Variants in TMEM196 observed in about 807,000 individuals in gnomAD.
TMEM196 encodes the protein transmembrane protein 196.
TMEM196 carries 17 observed loss-of-function variants against 20.0 expected under a neutral mutation model. The observed-to-expected ratio is 0.85, with a 90% CI of 0.58 to 1.27. The LOEUF (loss-of-function observed/expected upper bound fraction) is 1.27. TMEM196 is among the 50% of genes most tolerant of loss of function. TMEM196 has a pLI of 0.00. For missense variants in TMEM196, 267 were observed against 223.0 expected, an observed-to-expected ratio of 1.20 and a Z score of -1.26; for synonymous variants, 113 against 88.9, an observed-to-expected ratio of 1.27 and a Z score of -1.52.
At chr7:19,730,331 T>G (rs944593846) in intron 1 of TMEM196, among the ~76,000 whole-genome samples, 14 of 152,094 alleles carry the variant, frequency 9.2e-5, no homozygotes, top group African/African-American at 3.4e-4. Flanking sequence ...AATAAAACAT[T>G]GTTGACATAA....
intron 1 of TMEM196, among the ~76,000 whole-genome samples, chr7:19,736,317 GT>G (rs1784397333): frequency 9.7e-6 from 1 of 103,000 alleles, no homozygotes; most frequent in Admixed American, 1.1e-4. Flanking sequence ...TATGTGCTTC[GT>G]TTCATTTGAG....
intron 1 of TMEM196, among the ~76,000 whole-genome samples, chr7:19,756,550 G>A (rs1010015842): frequency 6.6e-6 from 1 of 151,816 alleles, no homozygotes; most frequent in Non-Finnish European, 1.5e-5. Flanking sequence ...GCCCCAGTGT[G>A]TGTTGTTCCC....
At chr7:19,767,577 A>G (rs983262048) in intron 1 of TMEM196, among the ~76,000 whole-genome samples, 9 of 152,160 alleles carry the variant, frequency 5.9e-5, no homozygotes, top group African/African-American at 1.9e-4. Flanking sequence ...CCTGATTTTG[A>G]TGAGGGAGTA....
chr7:19,724,875 A>G (rs774511520), intron 3 of TMEM196, among the ~76,000 whole-genome samples: 12 of 152,218 alleles, frequency 7.9e-5, no homozygotes, highest in Non-Finnish European at 1.6e-4. Context: ...AGAAACACAG[A>G]CATCATACTA....
In TMEM196 at chr7:19,728,336, G is replaced by A. The variant is rs545454240; in HGVS notation, c.204+1046C>T. Among the ~76,000 whole-genome samples, 5 of 152,234 alleles carry A rather than the reference G, an allele frequency of 3.3e-5. No homozygotes were observed. In the East Asian group the frequency reaches 9.7e-4, roughly 29 times the overall value. On this transcript the variant is annotated intron_variant, in intron 2 of 4. Coordinates refer to ENST00000405844, the MANE Select transcript of TMEM196 (RefSeq NM_001363562.2). ...GGCATAAGGAGAATGAAGACCATGT[G>A]TAAAAAATGATGGGAGAATCATAAA...
At chr7:19,745,302 A>G (rs906914123) in intron 1 of TMEM196, among the ~76,000 whole-genome samples, 3 of 152,152 alleles carry the variant, frequency 2.0e-5, no homozygotes, top group Non-Finnish European at 4.4e-5. Context: ...GAACCTGCGC[A>G]TAGGGAGGGC....
intron 1 of TMEM196, among the ~76,000 whole-genome samples, chr7:19,742,098 C>T (rs1236941126): frequency 3.3e-5 from 5 of 152,064 alleles, no homozygotes; most frequent in Non-Finnish European, 7.4e-5. Flanking sequence ...AGATACTTTT[C>T]GTTCAGTCAA....
intron 1 of TMEM196, among the ~76,000 whole-genome samples, chr7:19,759,050 G>C (rs1785328019): frequency 6.6e-6 from 1 of 151,892 alleles, no homozygotes; most frequent in Non-Finnish European, 1.5e-5. Flanking sequence ...ATGTAAACAT[G>C]TTCCAAAATC....
At chr7:19,725,339 G>GT (rs1783955642) in intron 3 of TMEM196, among the ~76,000 whole-genome samples, 175 bp downstream of exon 3, 1 of 152,240 alleles carries the variant, frequency 6.6e-6, no homozygotes, top group East Asian at 1.9e-4. Flanking sequence ...GAAAATAGGT[G>GT]TACCCATGAA....
chr7:19,731,781 A>C (rs1483428984), intron 1 of TMEM196, among the ~76,000 whole-genome samples: 1 of 152,232 alleles, frequency 6.6e-6, no homozygotes, highest in African/African-American at 2.4e-5. Context: ...GATGGAGCTA[A>C]GAAATGTGAA....
At position 19,739,885 on chromosome 7, in the gene TMEM196, A is replaced by T. The variant is rs140006715; in HGVS notation, c.148-10447T>A. Among the ~76,000 whole-genome samples the T allele has an allele frequency of 1.7e-3, 254 of 152,306 alleles. 1 individual carries two copies. Among genetic ancestry groups the T allele is most frequent in the Non-Finnish European group, 1.8e-3 (124 of 68,012 alleles). On this transcript the variant is annotated intron_variant, in intron 1 of 4. Transcript: ENST00000405844. ...CAAAGATGTAGAGAACTACAGAATC[A>T]TACAATGCTTATAGATAAATTGATT...
At chr7:19,767,701 G>T (rs1785692296) in intron 1 of TMEM196, among the ~76,000 whole-genome samples, 1 of 151,818 alleles carries the variant, frequency 6.6e-6, no homozygotes, top group South Asian at 2.1e-4. Context: ...GTAATTTTTT[G>T]GGGGGATAGG....
intron 1 of TMEM196, among the ~76,000 whole-genome samples, chr7:19,759,661 C>CA (rs930768228): frequency 2.2e-4 from 34 of 152,152 alleles, no homozygotes; most frequent in South Asian, 1.5e-3. Flanking sequence ...CGCAGGCACA[C>CA]ACACACATGC....
intron 1 of TMEM196, among the ~76,000 whole-genome samples, chr7:19,730,680 C>T (rs1439449491): frequency 6.6e-6 from 1 of 152,034 alleles, no homozygotes; most frequent in Non-Finnish European, 1.5e-5. Context: ...AAATACATAT[C>T]AAAATATACT....
At chr7:19,765,740 C>G (rs1021879411) in intron 1 of TMEM196, among the ~76,000 whole-genome samples, 15 of 152,148 alleles carry the variant, frequency 9.9e-5, no homozygotes, top group African/African-American at 3.4e-4. Context: ...TTTATGTTTC[C>G]TCATTCAGTT....
intron 1 of TMEM196, among the ~76,000 whole-genome samples, chr7:19,733,212 T>C (rs1256380100): frequency 6.6e-6 from 1 of 152,198 alleles, no homozygotes; most frequent in Non-Finnish European, 1.5e-5. Context: ...TTGGACGAAA[T>C]GACATGATTA....
intron 1 of TMEM196, among the ~76,000 whole-genome samples, chr7:19,767,527 C>T (rs1346454750): frequency 6.6e-6 from 1 of 151,944 alleles, no homozygotes; most frequent in Admixed American, 6.6e-5. Context: ...ATTTTTTCTA[C>T]ATGGCGAAAT....
rs1327071925 is a variant in TMEM196 at position 19,720,488 on chromosome 7, T to TA, written c.*1639dup. The TA allele has an allele frequency of 1.1e-4, 17 of 152,030 alleles. 1 individual carries two copies. In the South Asian group the frequency reaches 2.3e-3, roughly 20 times the overall value. The allele number at this position is 152,030 out of a possible 1,614,324, so 9.4% of individuals were successfully genotyped here. On this transcript the variant is annotated 3_prime_UTR_variant, in exon 5 of 5. Transcript: ENST00000405844. ...TACCTATGGTTCAACAAGTAACTCA[T>TA]AAAAAATGACTTGAAAATTGATTAG...
At chr7:19,763,551 C>A (rs1279719227) in intron 1 of TMEM196, among the ~76,000 whole-genome samples, 1 of 152,092 alleles carries the variant, frequency 6.6e-6, no homozygotes, top group Non-Finnish European at 1.5e-5. Flanking sequence ...TACTAAGGAA[C>A]AAAATCAGTT....
Sources: gnomAD v4.1 joint callset for allele counts (sites outside exome capture counted in the v4.1 genomes callset) on GRCh38, gnomAD v4.1.1 for gene constraint, MANE v1.5 for transcripts, NCBI Gene and HGNC (gene_info 2026-07-23, HGNC 2026-07-21) for gene names.